The following ODAD2 variants were observed in gnomAD, a reference collection of about 807,000 sequenced individuals.
The protein encoded by ODAD2 is outer dynein arm docking complex subunit 2.
A neutral mutation model predicts 106.8 loss-of-function variants in ODAD2; 89 were observed. The observed-to-expected ratio is 0.83, with a 90% CI of 0.70 to 0.99. The LOEUF (loss-of-function observed/expected upper bound fraction) is 0.99. Among genes scored for constraint, ODAD2 ranks in the 50% least tolerant of loss-of-function variants. ODAD2 has a pLI of 0.00. For synonymous variants in ODAD2, 404 were observed against 436.2 expected (o/e 0.93, Z 0.92); for missense variants, 1,168 against 1,238.5 (o/e 0.94, Z 0.85).
intron 19 of ODAD2, among the ~76,000 whole-genome samples, chr10:27,840,616 C>T (rs1372228802): frequency 6.6e-6 from 1 of 152,054 alleles, no homozygotes; most frequent in Non-Finnish European, 1.5e-5. Flanking sequence ...TATGTGGCCT[C>T]CTTGGGTGGC....
At chr10:27,998,865 G>C (rs1850717806) in intron 1 of ODAD2, 129 bp downstream of exon 1, 1 of 152,544 alleles carries the variant, frequency 6.6e-6, no homozygotes. Context: ...TCAACACTGC[G>C]CGCCCTGCGG....
intron 16 of ODAD2, among the ~76,000 whole-genome samples, chr10:27,927,622 A>G (rs1037763034): frequency 1.3e-5 from 2 of 152,292 alleles, no homozygotes; most frequent in South Asian, 4.1e-4. Context: ...TTGTTGCACA[A>G]AAAAGGGAAG....
intron 19 of ODAD2, among the ~76,000 whole-genome samples, chr10:27,817,746 A>C (rs1051680474): frequency 2.0e-5 from 3 of 152,096 alleles, no homozygotes; most frequent in Non-Finnish European, 4.4e-5. Flanking sequence ...ATGAATGGGC[A>C]CTTAGGTTGA....
At chr10:27,850,169 GC>G (rs375244313) in intron 19 of ODAD2, among the ~76,000 whole-genome samples, 6 of 152,184 alleles carry the variant, frequency 3.9e-5, no homozygotes, top group African/African-American at 1.2e-4. Flanking sequence ...CATTTGCTGG[GC>G]GTGGCGGCTC....
intron 17 of ODAD2, among the ~76,000 whole-genome samples, chr10:27,864,198 T>A (rs1840270009): frequency 6.6e-6 from 1 of 151,348 alleles, no homozygotes; most frequent in Non-Finnish European, 1.5e-5. Context: ...GAAGCTTGCT[T>A]GGAGAAGATA....
Position 27,936,851 on chromosome 10 carries a change from G to A in ODAD2, c.2127C>T (p.Leu709=), listed in dbSNP as rs111586634. 6.1e-4 allele frequency: 981 copies of A among 1,611,998 alleles called. 3 individuals are homozygous for A. The African/African-American group carries it at 0.012, about 19-fold the overall frequency. ...GCTTAAGTCCTCCGTGCAGCCTAAC[G>A]AGGTCCCGGGTTTCCTTATCTTCAG... ...QCAEDKETRD[L]VRLHGGLKPL... is the part of the protein sequence containing the mutation. Residue 709 remains leucine (L), a synonymous_variant, in exon 15 of 20, where the codon CTC becomes CTT. Coordinates refer to ENST00000305242, the MANE Select transcript of ODAD2 (RefSeq NM_018076.5).
intron 16 of ODAD2, among the ~76,000 whole-genome samples, chr10:27,930,216 A>G (rs1845516293): frequency 6.6e-6 from 1 of 151,978 alleles, no homozygotes; most frequent in African/African-American, 2.4e-5. Flanking sequence ...TTTTAAAACT[A>G]CTTAGGTTGC....
chr10:27,981,695 A>G lies in ODAD2; in HGVS notation c.820-113T>C, dbSNP rs1849557105. On this transcript the variant is annotated intron_variant, in intron 6 of 19. Transcript: ENST00000305242. ...TTATTTTCATCTCCGAAGGATCTATATGGTAGTTTTAATACAGGAAATGTA... is the reference window on the plus strand; with the variant it reads ...TTATTTTCATCTCCGAAGGATCTATGTGGTAGTTTTAATACAGGAAATGTA... The G allele has an allele frequency of 3.9e-6, 3 of 774,618 alleles. No homozygotes were observed. In the African/African-American group the frequency reaches 5.5e-5, roughly 14 times the overall value. The allele number at this position is 774,618 out of a possible 1,614,324, so 48.0% of individuals were successfully genotyped here. A position where few individuals can be genotyped will look rare whatever the true frequency, so the allele number is the denominator to read the frequency against.
chr10:27,992,992 T>C (rs1850320882), intron 2 of ODAD2, among the ~76,000 whole-genome samples: 1 of 152,188 alleles, frequency 6.6e-6, no homozygotes, highest in South Asian at 2.1e-4. Context: ...CTCGGCTCAC[T>C]GCAACCTCCA....
At chr10:27,942,228 T>C (rs1342200948) in intron 12 of ODAD2, among the ~76,000 whole-genome samples, 2 of 152,224 alleles carry the variant, frequency 1.3e-5, no homozygotes, top group Non-Finnish European at 2.9e-5. Flanking sequence ...TTTAACCCAC[T>C]GCCACTATGA....
At chr10:27,990,692 C>CT (rs1381016082) in intron 2 of ODAD2, among the ~76,000 whole-genome samples, 1 of 152,038 alleles carries the variant, frequency 6.6e-6, no homozygotes, top group Non-Finnish European at 1.5e-5. Context: ...TGAGTGTAAC[C>CT]TTAGAGATCA....
intron 17 of ODAD2, among the ~76,000 whole-genome samples, chr10:27,899,104 G>A (rs1163366362): frequency 6.6e-6 from 1 of 151,764 alleles, no homozygotes; most frequent in Non-Finnish European, 1.5e-5. Context: ...TTCCAATTGA[G>A]GTACCCATCT....
chr10:27,956,201 T>C (rs906098276), intron 10 of ODAD2, among the ~76,000 whole-genome samples: 21 of 152,146 alleles, frequency 1.4e-4, no homozygotes, highest in Admixed American at 3.3e-4. Flanking sequence ...TGTAACCCCA[T>C]TGTCACTGTT....
At chr10:27,847,230 C>T (rs1838844150) in intron 19 of ODAD2, among the ~76,000 whole-genome samples, 1 of 152,178 alleles carries the variant, frequency 6.6e-6, no homozygotes. Flanking sequence ...CCACTATGAT[C>T]AAGTGGGCTT....
Position 27,987,371 on chromosome 10 carries a change from G to C in ODAD2, c.382+15C>G. The C allele has an allele frequency of 1.9e-6, 3 of 1,606,476 alleles. No individual in the cohort carries two copies. The highest frequency in any genetic ancestry group is 1.7e-4 in the Middle Eastern group (1 of 6,028). ...TTCTAAAAGTTCAAATCACAGACTG[G>C]AGCATTAAGATCACCTTCAACACAT... On this transcript the variant is annotated intron_variant, in intron 3 of 19. Coordinates refer to ENST00000305242, the MANE Select transcript of ODAD2 (RefSeq NM_018076.5).
chr10:27,913,405 A>T (rs2133902043), intron 16 of ODAD2, among the ~76,000 whole-genome samples: 1 of 152,246 alleles, frequency 6.6e-6, no homozygotes, highest in Admixed American at 6.5e-5. Context: ...TCCCTGCATT[A>T]ATTTGCTTAG....
intron 16 of ODAD2, among the ~76,000 whole-genome samples, chr10:27,934,354 T>G (rs1845814427): frequency 6.6e-6 from 1 of 151,636 alleles, no homozygotes; most frequent in Non-Finnish European, 1.5e-5. Context: ...GGTTCCTCCT[T>G]TGTTGGAGTA....
At chr10:27,943,961 CG>C (rs1846658594) in intron 12 of ODAD2, among the ~76,000 whole-genome samples, 1 of 152,052 alleles carries the variant, frequency 6.6e-6, no homozygotes, top group Non-Finnish European at 1.5e-5. Context: ...TTCCTAACAA[CG>C]TACAATAGGT....
At chr10:27,893,028 C>G (rs1842658133) in intron 17 of ODAD2, among the ~76,000 whole-genome samples, 1 of 151,854 alleles carries the variant, frequency 6.6e-6, no homozygotes, top group Admixed American at 6.6e-5. Context: ...GCATGCTTGT[C>G]CATTCCTGTA....
Sources: allele counts gnomAD v4.1 joint callset (sites outside exome capture counted in the v4.1 genomes callset), GRCh38; gene constraint gnomAD v4.1.1; transcripts MANE v1.5; gene names NCBI Gene and HGNC (gene_info 2026-07-23, HGNC 2026-07-21).